DZIP1L: variants seen among roughly 807,000 people sequenced by gnomAD.
DZIP1L encodes the protein cilium assembly protein DZIP1L.
A neutral mutation model predicts 88.7 loss-of-function variants in DZIP1L; 90 were observed. The ratio of observed to expected loss-of-function variants is 1.02; its 90% CI spans 0.86 to 1.21. The LOEUF is 1.21. Among genes scored for constraint, DZIP1L ranks in the 50% most tolerant of loss-of-function variants. DZIP1L has a pLI of 0.00. For missense variants in DZIP1L, 932 were observed against 955.8 expected, an observed-to-expected ratio of 0.98 and a Z score of 0.33; for synonymous variants, 363 against 372.1, an observed-to-expected ratio of 0.98 and a Z score of 0.28.
At chr3:138,087,653 C>T (rs1022386000) in intron 6 of DZIP1L, among the ~76,000 whole-genome samples, 1 of 152,228 alleles carries the variant, frequency 6.6e-6, no homozygotes, top group Non-Finnish European at 1.5e-5. Context: ...AATGTGAAAC[C>T]TGTCAAACAT....
In DZIP1L at chr3:138,097,790, G is replaced by T; in HGVS notation, c.559C>A (p.Arg187Ser). 6.2e-7 allele frequency: 1 copy of T among 1,612,930 alleles called. No homozygotes were observed. The highest frequency in any genetic ancestry group is 1.1e-5 in the South Asian group (1 of 90,644). ...NATFLRGHIQ[R>S]RHAGVAEGGK... The stretch of plus-strand genomic sequence containing the variant: ...CCTTCTGCCACGCCTGCATGCCTGC[G>T]CTGGATGTGGCCCCGGAGAAAGGTG... The change falls in exon 3 of 16, where the codon CGC (arginine) becomes AGC (serine). Residue 187 changes from arginine to serine, a missense_variant. Physicochemically the swap from Arg to Ser is moderately radical, Grantham distance 110. Transcript: ENST00000327532.
chr3:138,105,651 CT>C (rs1553737301), intron 1 of DZIP1L, among the ~76,000 whole-genome samples: 8 of 150,276 alleles, frequency 5.3e-5, no homozygotes, highest in African/African-American at 9.8e-5. Flanking sequence ...AGAAACTATC[CT>C]TTTTTTTTCA....
chr3:138,079,711 C>A (rs1943561368), intron 10 of DZIP1L, among the ~76,000 whole-genome samples: 1 of 152,146 alleles, frequency 6.6e-6, no homozygotes, highest in Non-Finnish European at 1.5e-5. Flanking sequence ...CCTTTTATAC[C>A]ATTCCTTTTT....
chr3:138,094,043 T>A (rs1489813828), intron 4 of DZIP1L, among the ~76,000 whole-genome samples: 2 of 152,230 alleles, frequency 1.3e-5, no homozygotes, highest in African/African-American at 4.8e-5. Context: ...CATGCCTTCA[T>A]CACTAAACTT....
At chr3:138,078,544 GC>G (rs1943513055) in intron 10 of DZIP1L, among the ~76,000 whole-genome samples, 1 of 152,188 alleles carries the variant, frequency 6.6e-6, no homozygotes, top group African/African-American at 2.4e-5. Flanking sequence ...AAACAGCGAA[GC>G]CTGAGAAACA....
chr3:138,090,157 A>G (rs557371627), intron 5 of DZIP1L, among the ~76,000 whole-genome samples: 1 of 151,912 alleles, frequency 6.6e-6, no homozygotes, highest in East Asian at 1.9e-4. Context: ...TAAATAAATA[A>G]ATAAATAAAT....
In DZIP1L at chr3:138,092,445, GT is replaced by G; in HGVS notation, c.807del (p.Lys269AsnfsTer2). Reference protein sequence around the residue: ...EWTKLYGEIDKLKKLFWDEFK... With the variant: ...EWTKLYGEIDXLKKLFWDEFK... ...AATTCATCCCAAAATAATTTTTTTA[GT>G]TTATCTATTTCCCCATAAAGTTTGG... is the stretch of plus-strand genomic sequence containing the variant. On this transcript the variant is annotated frameshift_variant, in exon 5 of 16. Coordinates refer to ENST00000327532, the MANE Select transcript of DZIP1L (RefSeq NM_173543.3). LOFTEE classifies it high-confidence loss of function. 1 of 1,605,866 alleles carries G rather than the reference GT, an allele frequency of 6.2e-7. No homozygotes were observed. The highest frequency in any genetic ancestry group is 8.5e-7 in the Non-Finnish European group (1 of 1,176,864).
intron 4 of DZIP1L, among the ~76,000 whole-genome samples, chr3:138,093,904 CT>C (rs1283076983): frequency 2.0e-5 from 3 of 152,210 alleles, no homozygotes; most frequent in Non-Finnish European, 4.4e-5. Context: ...AGTAATAAGG[CT>C]GTTTCACTTT....
rs1169072131 is a variant in DZIP1L at position 138,067,533 on chromosome 3, G to A, written c.2000C>T (p.Ser667Leu). Residue 667 changes from serine (S) to leucine (L), a missense_variant and splice_region_variant, in exon 14 of 16, where the codon TCA becomes TTA. Coordinates refer to ENST00000327532, the MANE Select transcript of DZIP1L (RefSeq NM_173543.3). ...EENAQPPGQGSGTLVQSMVKN... is the reference protein window; with the variant it reads ...EENAQPPGQGLGTLVQSMVKN... ...CTCACCCAAAGGTGCCAGCTCACCT[G>A]AGCCCTGGCCAGGGGGCTGGGCATT... The A allele has an allele frequency of 1.3e-6, 2 of 1,598,842 alleles. No individual in the cohort carries two copies. The highest frequency in any genetic ancestry group is 1.7e-6 in the Non-Finnish European group (2 of 1,173,878).
At chr3:138,111,624 C>G (rs1398464646) in intron 1 of DZIP1L, among the ~76,000 whole-genome samples, 2 of 152,134 alleles carry the variant, frequency 1.3e-5, no homozygotes, top group African/African-American at 4.8e-5. Context: ...TTTTAATGTA[C>G]CTCAAAAGTA....
chr3:138,096,988 T>G (rs2107823727), intron 3 of DZIP1L, among the ~76,000 whole-genome samples: 1 of 152,228 alleles, frequency 6.6e-6, no homozygotes, highest in South Asian at 2.1e-4. Flanking sequence ...GAGACCAGAC[T>G]GGCCAACACA....
chr3:138,075,653 G>A (rs1943370732), intron 11 of DZIP1L, among the ~76,000 whole-genome samples: 2 of 152,260 alleles, frequency 1.3e-5, no homozygotes, highest in African/African-American at 4.8e-5. Flanking sequence ...TACAGCAAGA[G>A]CAGTGCTAAG....
At chr3:138,113,089 G>C (rs1453792588) in intron 1 of DZIP1L, among the ~76,000 whole-genome samples, 1 of 152,178 alleles carries the variant, frequency 6.6e-6, no homozygotes, top group Admixed American at 6.5e-5. Context: ...AAGAATATTT[G>C]TGCTAACATT....
chr3:138,102,387 T>C lies in DZIP1L; in HGVS notation c.501+1084A>G, dbSNP rs576370742. ...CTTATTGATCTCATCCTCATACTTGTTCTCGAAGTCCTCCACCCAGCCCCT... is the reference window on the plus strand; with the variant it reads ...CTTATTGATCTCATCCTCATACTTGCTCTCGAAGTCCTCCACCCAGCCCCT... On this transcript the variant is annotated intron_variant, in intron 2 of 15. Coordinates refer to ENST00000327532, the MANE Select transcript of DZIP1L (RefSeq NM_173543.3). 9.6e-6 allele frequency: 12 copies of C among 1,250,826 alleles called. 1 individual carries two copies. The South Asian group carries it at 1.3e-4, about 14-fold the overall frequency. 77.5% of individuals were successfully genotyped at this position (1,250,826 alleles called of 1,614,324 possible).
chr3:138,088,367 G>A lies in DZIP1L; in HGVS notation c.999+12C>T. ...CTTCCTCTGGGAAGAAAGGCATGGA[G>A]CATCAGCTCACCTGAATTTCTGTCT... On this transcript the variant is annotated intron_variant, in intron 6 of 15. Coordinates refer to ENST00000327532, the MANE Select transcript of DZIP1L (RefSeq NM_173543.3). The A allele has an allele frequency of 6.2e-7, 1 of 1,607,486 alleles. No homozygotes were observed. The highest frequency in any genetic ancestry group is 8.5e-7 in the Non-Finnish European group (1 of 1,177,082).
At chr3:138,098,324 C>A (rs1418328551) in intron 2 of DZIP1L, among the ~76,000 whole-genome samples, 1 of 151,866 alleles carries the variant, frequency 6.6e-6, no homozygotes, top group African/African-American at 2.4e-5. Context: ...ATTATTCTCT[C>A]TACTATTGTA....
chr3:138,104,106 C>T, intron 1 of DZIP1L, 54 bp from the exon 2 acceptor site: 3 of 1,440,532 alleles, frequency 2.1e-6, no homozygotes, highest in Admixed American at 2.8e-5. Flanking sequence ...GCTGCACCTA[C>T]TGTATATCTG....
chr3:138,076,017 G>C (rs1943389901), intron 11 of DZIP1L, among the ~76,000 whole-genome samples: 1 of 152,152 alleles, frequency 6.6e-6, no homozygotes, highest in Non-Finnish European at 1.5e-5. Context: ...TGGAACTGGA[G>C]AAACAAGAAT....
rs929750748 is a variant in DZIP1L at position 138,071,688 on chromosome 3, G to A, written c.1570C>T (p.Gln524Ter). The change falls in exon 12 of 16, where the codon CAG becomes TAG. Residue 524 changes from glutamine (Q) to a stop codon, truncating the protein, a stop_gained. Coordinates refer to ENST00000327532, the MANE Select transcript of DZIP1L (RefSeq NM_173543.3). LOFTEE classifies it high-confidence loss of function. Reference sequence around the variant, plus strand: ...TGGGACACCACAGCGCCATTCTCCTGTCTCTCCTTCGCTCTGCTGGTGACT... The same window carrying A: ...TGGGACACCACAGCGCCATTCTCCTATCTCTCCTTCGCTCTGCTGGTGACT... ...KEVTSRAKER[Q>*]ENGAVVSQPD... The A allele has an allele frequency of 6.2e-7, 1 of 1,614,178 alleles. No individual in the cohort carries two copies. Among genetic ancestry groups the A allele is most frequent in the Admixed American group, 1.7e-5 (1 of 60,034 alleles).
Sources: gnomAD v4.1 joint callset for allele counts (sites outside exome capture counted in the v4.1 genomes callset) on GRCh38, gnomAD v4.1.1 for gene constraint, MANE v1.5 for transcripts, NCBI Gene and HGNC (gene_info 2026-07-23, HGNC 2026-07-21) for gene names.